NUBP1: variants seen among roughly 807,000 people sequenced by gnomAD.
NUBP1 encodes the protein cytosolic Fe-S cluster assembly factor NUBP1.
In NUBP1, 46 loss-of-function variants were observed where a neutral mutation model predicts 41.8. The ratio of observed to expected loss-of-function variants is 1.10; its 90% CI spans 0.87 to 1.41. NUBP1 has a LOEUF of 1.41. NUBP1 is among the 40% of genes most tolerant of loss of function. NUBP1 has a pLI of 0.00. For synonymous variants in NUBP1, 189 were observed against 154.6 expected (o/e 1.22, Z -1.65); for missense variants, 494 against 414.0 (o/e 1.19, Z -1.68).
In NUBP1 at chr16:10,757,807, A is replaced by G; in HGVS notation, c.452-66A>G. ...GCAAGACCCCATCCTTTAAAAAAAA[A>G]AGAGGGAGTTGAAAGTACAGAAAAG... On this transcript the variant is annotated intron_variant, in intron 6 of 10. Coordinates refer to ENST00000283027, the MANE Select transcript of NUBP1 (RefSeq NM_002484.4). This position sits in a 1 kb window ranked among gnomAD's most constrained non-coding sequence, Gnocchi z 4.1. The G allele has an allele frequency of 1.9e-6, 3 of 1,572,056 alleles. No individual in the cohort carries two copies. The highest frequency in any genetic ancestry group is 2.6e-6 in the Non-Finnish European group (3 of 1,153,212).
At position 10,743,893 on chromosome 16, in the gene NUBP1, G is replaced by C; in HGVS notation, c.19+11G>C. 6.4e-7 allele frequency: 1 copy of C among 1,570,378 alleles called. No homozygotes were observed. The highest frequency in any genetic ancestry group is 8.6e-7 in the Non-Finnish European group (1 of 1,159,902). On this transcript the variant is annotated intron_variant, in intron 1 of 10. Coordinates refer to ENST00000283027, the MANE Select transcript of NUBP1 (RefSeq NM_002484.4). Reference sequence around the variant, plus strand: ...AGGAGGTGCCTCACGGTAAGCTCGCGGAGGGGGCGTGGGTCGCGGGGCGAA... The same window carrying C: ...AGGAGGTGCCTCACGGTAAGCTCGCCGAGGGGGCGTGGGTCGCGGGGCGAA...
chr16:10,753,062 A>G (rs926593419), intron 4 of NUBP1, among the ~76,000 whole-genome samples: 3 of 152,146 alleles, frequency 2.0e-5, no homozygotes, highest in Non-Finnish European at 4.4e-5. Context: ...CCAAAGTGCT[A>G]GGATTACAGG....
chr16:10,744,021 A>T lies in NUBP1; in HGVS notation c.80A>T (p.Asn27Ile), dbSNP rs776937673. ...GGGGCTTCATGTCAGGGATGCCCCA[A>T]CCAGCGGCTGTGCGCTTCTGGAGCG... is the stretch of plus-strand genomic sequence containing the variant. ...GRGASCQGCP[N>I]QRLCASGAGA... The change falls in exon 2 of 11, where the codon AAC becomes ATC. Residue 27 changes from asparagine (N) to isoleucine (I), a missense_variant. Coordinates refer to ENST00000283027, the MANE Select transcript of NUBP1 (RefSeq NM_002484.4). The T allele has an allele frequency of 6.3e-7, 1 of 1,580,270 alleles. No individual in the cohort carries two copies. The highest frequency in any genetic ancestry group is 8.6e-7 in the Non-Finnish European group (1 of 1,168,926).
chr16:10,752,758 G>C, intron 4 of NUBP1, 80 bp downstream of exon 4: 1 of 1,107,460 alleles, frequency 9.0e-7, no homozygotes, highest in Non-Finnish European at 1.4e-6. Context: ...CCTCAACAAA[G>C]AGGCATGCGG....
chr16:10,748,683 G>A (rs1432349966), intron 3 of NUBP1, among the ~76,000 whole-genome samples: 1 of 152,184 alleles, frequency 6.6e-6, no homozygotes, highest in Non-Finnish European at 1.5e-5. Flanking sequence ...GGTCTGTGAT[G>A]GCCACCATTT....
At chr16:10,763,345 A>G (rs1020783610) in intron 9 of NUBP1, among the ~76,000 whole-genome samples, 3 of 151,814 alleles carry the variant, frequency 2.0e-5, no homozygotes, top group African/African-American at 7.3e-5. Context: ...GCCTCGAGGA[A>G]GTGGTAGGGG....
intron 3 of NUBP1, among the ~76,000 whole-genome samples, chr16:10,751,705 C>T (rs964741109): frequency 1.3e-5 from 2 of 152,160 alleles, no homozygotes. Flanking sequence ...GAAGCTGCAC[C>T]TGAGTCACAA....
chr16:10,744,077 G>C lies in NUBP1; in HGVS notation c.124+12G>C, dbSNP rs1567251968. 1 of 1,560,830 alleles carries C rather than the reference G, an allele frequency of 6.4e-7. No homozygotes were observed. The highest frequency in any genetic ancestry group is 1.2e-5 in the South Asian group (1 of 83,784). The stretch of plus-strand genomic sequence containing the variant: ...CACTCCGGACACGGGTGAGAAAAGG[G>C]CAAGGCCTCAACAGGAACTTAGAGG... On this transcript the variant is annotated intron_variant, in intron 2 of 10. Coordinates refer to ENST00000283027, the MANE Select transcript of NUBP1 (RefSeq NM_002484.4).
chr16:10,748,939 A>C (rs777795840), intron 3 of NUBP1, among the ~76,000 whole-genome samples: 18 of 151,920 alleles, frequency 1.2e-4, no homozygotes, highest in Middle Eastern at 3.4e-3. Flanking sequence ...AAAAATACAA[A>C]AATTAGCTGG....
intron 5 of NUBP1, among the ~76,000 whole-genome samples, chr16:10,756,359 C>T (rs1428230820): frequency 6.6e-6 from 1 of 151,830 alleles, no homozygotes. Flanking sequence ...GCCTGGGCAA[C>T]AGAGCCAGAC....
intron 3 of NUBP1, among the ~76,000 whole-genome samples, chr16:10,751,731 A>G (rs1222418137): frequency 6.6e-6 from 1 of 152,164 alleles, no homozygotes; most frequent in African/African-American, 2.4e-5. Context: ...GAGCTTTTCC[A>G]GGTTTCCATC....
At chr16:10,755,147 T>C (rs1900493943) in intron 4 of NUBP1, among the ~76,000 whole-genome samples, 1 of 152,236 alleles carries the variant, frequency 6.6e-6, no homozygotes, top group South Asian at 2.1e-4. Context: ...ATGAATCATG[T>C]CTCAGTAAAT....
chr16:10,754,878 CTACAAAAAA>C (rs1900483045), intron 4 of NUBP1, among the ~76,000 whole-genome samples: 1 of 151,958 alleles, frequency 6.6e-6, no homozygotes, highest in Non-Finnish European at 1.5e-5. Context: ...AACCCCGTCT[CTACAAAAAA>C]TACAAAAATT....
rs1567268164 is a variant in NUBP1 at position 10,766,170 on chromosome 16, G to C, written c.821-1779G>C. ...CCCGGTGTGCTGAGGATCACAGGAA[G>C]GGCTGGCCTCAGAGCCCTGCTCCGC... On this transcript the variant is annotated intron_variant, in intron 9 of 10. Transcript: ENST00000283027. The surrounding 1 kb of genome is among the most constrained non-coding windows in gnomAD (Gnocchi z 4.8). 1 of 152,422 alleles carries C rather than the reference G, an allele frequency of 6.6e-6. No homozygotes were observed. 9.4% of individuals were successfully genotyped at this position (152,422 alleles called of 1,614,324 possible).
chr16:10,748,232 T>C (rs898659366), intron 3 of NUBP1, among the ~76,000 whole-genome samples: 18 of 152,192 alleles, frequency 1.2e-4, no homozygotes, highest in African/African-American at 4.3e-4. Context: ...ATTATAGGCA[T>C]GAGCCACCGT....
chr16:10,746,185 T>C lies in NUBP1; in HGVS notation c.125-958T>C, dbSNP rs544393761. On this transcript the variant is annotated intron_variant, in intron 2 of 10. Transcript: ENST00000283027. ...GTTGGGAGGTTTCCAGGCTTAACTT[T>C]CACTTGAGTTTGGCCAGTCATGAGA... 8.3e-4 allele frequency among the ~76,000 whole-genome samples: 126 copies of C among 152,350 alleles called. 1 individual carries two copies. The highest frequency in any genetic ancestry group is 2.5e-3 in the South Asian group (12 of 4,834).
rs2030981937 is a variant in NUBP1, at chr16:10,767,011, G to A, written c.821-938G>A. Reference sequence around the variant, plus strand: ...CCCCACAGGCTTCTTCCCCGACTTGGACTTCCCTGTCCCACAGGGCGACAC... The same window carrying A: ...CCCCACAGGCTTCTTCCCCGACTTGAACTTCCCTGTCCCACAGGGCGACAC... On this transcript the variant is annotated intron_variant, in intron 9 of 10. Coordinates refer to ENST00000283027, the MANE Select transcript of NUBP1 (RefSeq NM_002484.4). This position sits in a 1 kb window ranked among gnomAD's most constrained non-coding sequence, Gnocchi z 4.6. The A allele has an allele frequency of 2.5e-6, 1 of 398,658 alleles. No homozygotes were observed. Among genetic ancestry groups the A allele is most frequent in the Non-Finnish European group, 4.4e-6 (1 of 226,200 alleles). 24.7% of individuals were successfully genotyped at this position (398,658 alleles called of 1,614,324 possible).
intron 9 of NUBP1, among the ~76,000 whole-genome samples, chr16:10,764,201 C>T (rs912159797): frequency 3.9e-5 from 6 of 152,178 alleles, no homozygotes; most frequent in East Asian, 1.9e-4. Context: ...CCCGAAGGAG[C>T]GTCTCAGCCC....
Position 10,752,636 on chromosome 16 carries a change from T to C in NUBP1, c.285T>C (p.Cys95=), listed in dbSNP as rs1411758981. The C allele has an allele frequency of 6.2e-7, 1 of 1,613,848 alleles. No homozygotes were observed. Among genetic ancestry groups the C allele is most frequent in the Admixed American group, 1.7e-5 (1 of 60,008 alleles). The change falls in exon 4 of 11, where the codon TGT becomes TGC. Residue 95 remains cysteine, a synonymous_variant. Coordinates refer to ENST00000283027, the MANE Select transcript of NUBP1 (RefSeq NM_002484.4). The part of the protein sequence containing the change: ...TQIALLDIDI[C]GPSIPKIMGL... Reference sequence around the variant, plus strand: ...TTGCTCTTCTAGACATCGATATATGTGGGCCATCGATTCCCAAGATAATGG... The same window carrying C: ...TTGCTCTTCTAGACATCGATATATGCGGGCCATCGATTCCCAAGATAATGG...
Sources: gnomAD v4.1 joint callset for allele counts (sites outside exome capture counted in the v4.1 genomes callset) on GRCh38, gnomAD v4.1.1 for gene constraint, Gnocchi (gnomAD v3.1) non-coding constraint, MANE v1.5 for transcripts, NCBI Gene and HGNC (gene_info 2026-07-23, HGNC 2026-07-21) for gene names.